CSMD1: variants seen among roughly 807,000 people sequenced by gnomAD.
CSMD1 encodes CUB and Sushi multiple domains 1, also known as CUB and sushi domain-containing protein 1.
A neutral mutation model predicts 417.5 loss-of-function variants in CSMD1; 213 were observed. The ratio of observed to expected loss-of-function variants is 0.51; its 90% CI spans 0.46 to 0.57. The LOEUF is 0.57. Ranked by LOEUF, CSMD1 falls within the 20% of genes least tolerant of loss-of-function variation. The pLI is 0.00. For missense variants in CSMD1, 6,923 were observed against 4,529.7 expected (o/e 1.53, Z -15.17); for synonymous variants, 2,862 against 1,736.8 (o/e 1.65, Z -16.11).
At chr8:3,743,890 G>C (rs1250458368) in intron 6 of CSMD1, among the ~76,000 whole-genome samples, 1 of 152,122 alleles carries the variant, frequency 6.6e-6, no homozygotes, top group South Asian at 2.1e-4. Context: ...CAGATTCCCT[G>C]CCTTTTCCTC....
At chr8:3,555,990 G>T (rs913944773) in intron 10 of CSMD1, among the ~76,000 whole-genome samples, 3 of 152,076 alleles carry the variant, frequency 2.0e-5, no homozygotes, top group African/African-American at 7.2e-5. Context: ...TAAAACTGGT[G>T]ATTTCAATCC....
chr8:3,969,305 A>C (rs1388250210), intron 5 of CSMD1, among the ~76,000 whole-genome samples: 1 of 152,126 alleles, frequency 6.6e-6, no homozygotes, highest in Non-Finnish European at 1.5e-5. Context: ...CTGGGTGGAG[A>C]AAGGGCTTCC....
chr8:4,671,170 A>T (rs1364055699), intron 1 of CSMD1, among the ~76,000 whole-genome samples: 2 of 152,194 alleles, frequency 1.3e-5, no homozygotes, highest in Non-Finnish European at 2.9e-5. Context: ...TGTACCTATG[A>T]TGCTTAGTAT....
chr8:3,624,782 A>G (rs573329487), intron 7 of CSMD1, among the ~76,000 whole-genome samples: 5 of 152,340 alleles, frequency 3.3e-5, no homozygotes, highest in East Asian at 1.9e-4. Context: ...AAATATGTCA[A>G]CAATGACAGC....
chr8:4,994,349 A>C lies in CSMD1; in HGVS notation c.68T>G (p.Leu23Arg). Residue 23 changes from leucine to arginine, a missense_variant, in exon 1 of 70, where the codon CTC becomes CGC. Transcript: ENST00000635120. ...CGTCTTACCCTTCGCTGCAGTGAGGAGCCTCGCGCACAGCACCAGCAGCCC... is the reference window on the plus strand; with the variant it reads ...CGTCTTACCCTTCGCTGCAGTGAGGCGCCTCGCGCACAGCACCAGCAGCCC... ...LLGLLVLCAR[L>R]LTAAKGQNCG... 6.2e-7 allele frequency: 1 copy of C among 1,611,184 alleles called. No homozygotes were observed. The highest frequency in any genetic ancestry group is 8.5e-7 in the Non-Finnish European group (1 of 1,179,798).
In CSMD1 at chr8:3,295,106, A is replaced by G. The variant is rs114997405; in HGVS notation, c.3951-10760T>C. Among the ~76,000 whole-genome samples, 329 of 141,208 alleles carry G rather than the reference A, an allele frequency of 2.3e-3. 6 individuals carry two copies. The highest frequency in any genetic ancestry group is 1.4e-3 in the Non-Finnish European group (87 of 64,018). 92.6% of individuals were successfully genotyped at this position (141,208 alleles called of 152,430 possible). ...CATGTGTGTGCTTGTATCACTTTCA[A>G]TTTGCTTTTATTTTATTTATTTATT... is the stretch of plus-strand genomic sequence containing the variant. On this transcript the variant is annotated intron_variant, in intron 25 of 69. Transcript: ENST00000635120.
chr8:4,134,424 G>C (rs752148762), intron 3 of CSMD1, among the ~76,000 whole-genome samples: 9 of 152,174 alleles, frequency 5.9e-5, no homozygotes, highest in Non-Finnish European at 1.2e-4. Context: ...GACAGAGGGA[G>C]AAGACAGGTG....
intron 3 of CSMD1, among the ~76,000 whole-genome samples, chr8:4,189,022 C>G (rs935535322): frequency 2.0e-5 from 3 of 151,992 alleles, no homozygotes; most frequent in Non-Finnish European, 2.9e-5. Context: ...GGTTACTGGG[C>G]AAAGCCACTG....
chr8:4,289,204 A>C (rs1797225634), intron 3 of CSMD1, among the ~76,000 whole-genome samples: 1 of 152,162 alleles, frequency 6.6e-6, no homozygotes, highest in African/African-American at 2.4e-5. Context: ...ACTCTTTACC[A>C]GTTTCTAGAT....
At chr8:3,283,005 G>C (rs150582642) in intron 26 of CSMD1, among the ~76,000 whole-genome samples, 1 of 152,110 alleles carries the variant, frequency 6.6e-6, no homozygotes, top group African/African-American at 2.4e-5. Context: ...AGGCTGAACT[G>C]CCACAAAATA....
intron 12 of CSMD1, among the ~76,000 whole-genome samples, chr8:3,466,939 A>G (rs374020009): frequency 6.6e-6 from 1 of 152,094 alleles, no homozygotes; most frequent in Non-Finnish European, 1.5e-5. Context: ...GTATTGGTTA[A>G]TGGTTTTAAT....
At chr8:3,008,840 G>A (rs1238216432) in intron 52 of CSMD1, among the ~76,000 whole-genome samples, 2 of 152,164 alleles carry the variant, frequency 1.3e-5, no homozygotes, top group Non-Finnish European at 2.9e-5. Context: ...CTGACGCAAG[G>A]TGGACCCTCA....
chr8:3,256,888 CA>C (rs888955542), intron 26 of CSMD1, among the ~76,000 whole-genome samples: 1 of 151,822 alleles, frequency 6.6e-6, no homozygotes, highest in South Asian at 2.1e-4. Context: ...AACTCTTAGC[CA>C]AAAAAATTCA....
intron 12 of CSMD1, among the ~76,000 whole-genome samples, chr8:3,456,381 G>A (rs1417123654): frequency 6.6e-6 from 1 of 152,036 alleles, no homozygotes; most frequent in East Asian, 1.9e-4. Flanking sequence ...CCCACCTTCT[G>A]CATCCCTCAC....
chr8:3,619,333 G>C (rs142584549), intron 7 of CSMD1, among the ~76,000 whole-genome samples: 18 of 152,050 alleles, frequency 1.2e-4, no homozygotes, highest in African/African-American at 3.9e-4. Context: ...ATTTTCTACC[G>C]TGTTCTGCAA....
intron 1 of CSMD1, among the ~76,000 whole-genome samples, chr8:4,824,926 A>G (rs2117405541): frequency 6.6e-6 from 1 of 152,234 alleles, no homozygotes; most frequent in Non-Finnish European, 1.5e-5. Flanking sequence ...TGCTAACGTA[A>G]AGCCAAGACA....
At chr8:4,793,873 G>C (rs187871994) in intron 1 of CSMD1, among the ~76,000 whole-genome samples, 27 of 150,132 alleles carry the variant, frequency 1.8e-4, no homozygotes, top group African/African-American at 5.8e-4. Context: ...TTAAAAGTTT[G>C]TTAATAAGAA....
At chr8:4,530,891 A>G (rs926605215) in intron 2 of CSMD1, among the ~76,000 whole-genome samples, 2 of 151,852 alleles carry the variant, frequency 1.3e-5, no homozygotes, top group Non-Finnish European at 2.9e-5. Context: ...CATTCATCCC[A>G]TTATACCGGA....
chr8:3,217,033 A>G (rs960766406), intron 29 of CSMD1, among the ~76,000 whole-genome samples: 4 of 152,156 alleles, frequency 2.6e-5, no homozygotes, highest in African/African-American at 7.2e-5. Flanking sequence ...GCTAGATGCA[A>G]TGACATCACT....
Sources: allele counts gnomAD v4.1 joint callset (sites outside exome capture counted in the v4.1 genomes callset), GRCh38; gene constraint gnomAD v4.1.1; transcripts MANE v1.5; gene names NCBI Gene and HGNC (gene_info 2026-07-23, HGNC 2026-07-21).